Variants in RAB5IF observed in about 807,000 individuals in gnomAD.
RAB5IF encodes the protein RAB5 interacting factor.
Under a neutral mutation model 20.3 loss-of-function variants are expected in RAB5IF, and 15 were observed. The observed-to-expected ratio is 0.74, with a 90% confidence interval of 0.50 to 1.14. The LOEUF (loss-of-function observed/expected upper bound fraction) is 1.14, where lower values mean the gene tolerates loss of function less well. Ranked by LOEUF, RAB5IF falls within the 50% of genes most tolerant of loss-of-function variation. The pLI, the probability that RAB5IF is intolerant of heterozygous loss-of-function variation, is 0.00. For missense variants in RAB5IF, 148 were observed against 159.5 expected (o/e 0.93, Z 0.39); for synonymous variants, 67 against 63.7 (o/e 1.05, Z -0.25).
At chr20:36,609,201 A>ACACACACACACAC (rs2039029060) in intron 2 of RAB5IF, among the ~76,000 whole-genome samples, 1 of 59,458 alleles carries the variant, frequency 1.7e-5, no homozygotes, top group African/African-American at 8.1e-5. Context: ...ACACGCACAC[A>ACACACACACACAC]CGCACACACG....
At chr20:36,610,864 G>T (rs1371684374) in intron 3 of RAB5IF, among the ~76,000 whole-genome samples, 3 of 152,198 alleles carry the variant, frequency 2.0e-5, no homozygotes, top group African/African-American at 7.2e-5. Flanking sequence ...AAGTAGATTA[G>T]TGGTTGCCAG....
In RAB5IF at chr20:36,612,170, G is replaced by T; in HGVS notation, c.*119G>T. The T allele has an allele frequency of 1.2e-6, 2 of 1,614,166 alleles. No homozygotes were observed. Reference sequence around the variant, plus strand: ...GAACTTGGAAGACCCGTGTTTCCTGGACCGCGAATCAGTGTGTTGGGCATC... The same window carrying T: ...GAACTTGGAAGACCCGTGTTTCCTGTACCGCGAATCAGTGTGTTGGGCATC... On this transcript the variant is annotated 3_prime_UTR_variant, in exon 4 of 4. Transcript: ENST00000344795.
intron 1 of RAB5IF, 85 bp downstream of exon 1, chr20:36,606,150 C>T: frequency 1.2e-5 from 10 of 862,334 alleles, no homozygotes; most frequent in Non-Finnish European, 1.7e-5. Context: ...CTGCCCTCGT[C>T]CTCGTTCCGG....
chr20:36,610,262 C>T (rs1421272799), intron 3 of RAB5IF, among the ~76,000 whole-genome samples: 3 of 151,972 alleles, frequency 2.0e-5, no homozygotes, highest in African/African-American at 7.3e-5. Context: ...CTAGCCTGGG[C>T]AACAAGAGGG....
In RAB5IF at chr20:36,609,164, C is replaced by G. The variant is rs76946569; in HGVS notation, c.219-437C>G. Among the ~76,000 whole-genome samples the G allele has an allele frequency of 1.2e-4, 6 of 49,704 alleles. No individual in the cohort carries two copies. In the East Asian group the frequency reaches 2.6e-3, roughly 21 times the overall value. The allele number at this position is 49,704 out of a possible 152,430, so 32.6% of individuals were successfully genotyped here. A position where few individuals can be genotyped will look rare whatever the true frequency, so the allele number is the denominator to read the frequency against. On this transcript the variant is annotated intron_variant, in intron 2 of 3. Coordinates refer to ENST00000344795, the MANE Select transcript of RAB5IF (RefSeq NM_018840.5). ...GCTTTGGAGAACTATATTACACACA[C>G]ACACACACACACACACACACACACA...
rs2039033233 is a variant in RAB5IF, at chr20:36,609,213, A to ACAC, written c.219-387_219-385dup. ...CACACACGCACACACGCACACACGC[A>ACAC]CACACGCACACACACACACACACAC... On this transcript the variant is annotated intron_variant, in intron 2 of 3. Transcript: ENST00000344795. Among the ~76,000 whole-genome samples, 2 of 76,174 alleles carry ACAC rather than the reference A, an allele frequency of 2.6e-5. 1 individual carries two copies. 50.0% of individuals were successfully genotyped at this position (76,174 alleles called of 152,430 possible). A position where few individuals can be genotyped will look rare whatever the true frequency, so the allele number is the denominator to read the frequency against.
At position 36,605,916 on chromosome 20, in the gene RAB5IF, G is replaced by T; in HGVS notation, c.-36G>T. 7.6e-7 allele frequency: 1 copy of T among 1,323,418 alleles called. No homozygotes were observed. The highest frequency in any genetic ancestry group is 9.9e-7 in the Non-Finnish European group (1 of 1,008,900). 82.0% of individuals were successfully genotyped at this position (1,323,418 alleles called of 1,614,324 possible). ...CCCGACTCCCTTTGGCTCAGCCCGC[G>T]CGCCCCAGGCCCGGCCCGGGCGGCG... is the stretch of plus-strand genomic sequence containing the variant. On this transcript the variant is annotated 5_prime_UTR_variant, in exon 1 of 4. Coordinates refer to ENST00000344795, the MANE Select transcript of RAB5IF (RefSeq NM_018840.5).
At chr20:36,609,135 A>AG (rs1280286720) in intron 2 of RAB5IF, among the ~76,000 whole-genome samples, 2 of 145,346 alleles carry the variant, frequency 1.4e-5, no homozygotes, top group Non-Finnish European at 3.0e-5. Flanking sequence ...TGTTACTTCA[A>AG]GGGGCTTTGG....
In RAB5IF at chr20:36,607,925, G is replaced by T. The variant is rs145838616; in HGVS notation, c.218+107G>T. ...TGCTGCTCTGGAGCTGTGTGTGTGTGTGATGACTAAAGCAAAGAAGCAGCC... is the reference window on the plus strand; with the variant it reads ...TGCTGCTCTGGAGCTGTGTGTGTGTTTGATGACTAAAGCAAAGAAGCAGCC... On this transcript the variant is annotated intron_variant, in intron 2 of 3. Transcript: ENST00000344795. The T allele has an allele frequency of 3.3e-4, 518 of 1,551,118 alleles. 6 individuals are homozygous for T. The East Asian group carries it at 0.011, about 33-fold the overall frequency.
rs1480084949 is a variant in RAB5IF at position 36,612,018 on chromosome 20, G to C, written c.357G>C (p.Trp119Cys). 1.2e-6 allele frequency: 2 copies of C among 1,614,024 alleles called. No individual in the cohort carries two copies. Among genetic ancestry groups the C allele is most frequent in the African/African-American group, 1.3e-5 (1 of 74,914 alleles). The change falls in exon 4 of 4, where the codon TGG (tryptophan) becomes TGC (cysteine). Residue 119 changes from tryptophan (W) to cysteine (C), a missense_variant. Coordinates refer to ENST00000344795, the MANE Select transcript of RAB5IF (RefSeq NM_018840.5). Reference sequence around the variant, plus strand: ...GCTTGTCTCCTCACTAGGTCATTTGGATCATCTTTTACACTGCCATCCATT... The same window carrying C: ...GCTTGTCTCCTCACTAGGTCATTTGCATCATCTTTTACACTGCCATCCATT... ...MTSFALFMVI[W>C]IIFYTAIHYD
intron 1 of RAB5IF, 151 bp downstream of exon 1, chr20:36,606,216 C>T (rs922299032): frequency 4.4e-6 from 2 of 457,186 alleles, no homozygotes; most frequent in South Asian, 6.1e-5. Flanking sequence ...GCAAACTTGG[C>T]GGGCACTGGG....
At chr20:36,607,965 C>G (rs1435601052) in intron 2 of RAB5IF, 147 bp downstream of exon 2, 65 of 1,504,662 alleles carry the variant, frequency 4.3e-5, no homozygotes, top group Non-Finnish European at 5.7e-5. Context: ...AGTGGCACTC[C>G]TGGGTCTGGT....
intron 2 of RAB5IF, chr20:36,608,141 G>A (rs2038979107): frequency 2.6e-5 from 10 of 380,724 alleles, no homozygotes; most frequent in South Asian, 1.6e-4. Context: ...GTACCTGTGC[G>A]AGTTTGGGAA....
At chr20:36,611,191 T>C (rs1247382234) in intron 3 of RAB5IF, among the ~76,000 whole-genome samples, 1 of 152,130 alleles carries the variant, frequency 6.6e-6, no homozygotes, top group Non-Finnish European at 1.5e-5. Flanking sequence ...GGTTTCATCA[T>C]GTTGGCCAGG....
chr20:36,610,089 C>G (rs1410400060), intron 3 of RAB5IF, among the ~76,000 whole-genome samples: 1 of 152,054 alleles, frequency 6.6e-6, no homozygotes, highest in Non-Finnish European at 1.5e-5. Context: ...TCAAGACCAG[C>G]CTGGCCAGCG....
chr20:36,610,662 T>A (rs1413410537), intron 3 of RAB5IF, among the ~76,000 whole-genome samples: 3 of 147,574 alleles, frequency 2.0e-5, no homozygotes, highest in Admixed American at 6.8e-5. Flanking sequence ...GCCACTGCAC[T>A]CCATTCCAGC....
intron 2 of RAB5IF, among the ~76,000 whole-genome samples, chr20:36,608,424 T>C (rs1021946246): frequency 1.3e-5 from 2 of 152,022 alleles, no homozygotes; most frequent in Non-Finnish European, 2.9e-5. Context: ...TTTAAAAATT[T>C]TGTAGAGACA....
At chr20:36,606,165 A>C in intron 1 of RAB5IF, 100 bp downstream of exon 1, 1 of 725,958 alleles carries the variant, frequency 1.4e-6, no homozygotes, top group Non-Finnish European at 2.1e-6. Flanking sequence ...TTCCGGCACA[A>C]TCGAGTAGGG....
intron 2 of RAB5IF, among the ~76,000 whole-genome samples, chr20:36,609,255 A>ACACACACACACACACACACACACACC (rs1568595802): frequency 8.6e-6 from 1 of 116,434 alleles, no homozygotes. Context: ...ACACACACAC[A>ACACACACACACACACACACACACACC]CTATATATAG....
Sources: gnomAD v4.1 joint callset for allele counts (sites outside exome capture counted in the v4.1 genomes callset) on GRCh38, gnomAD v4.1.1 for gene constraint, MANE v1.5 for transcripts, NCBI Gene and HGNC (gene_info 2026-07-23, HGNC 2026-07-21) for gene names.